Variants in OR9Q1 observed in about 807,000 individuals in gnomAD.
OR9Q1 encodes olfactory receptor 9Q1.
For synonymous variants in OR9Q1, 153 were observed against 148.6 expected (o/e 1.03, Z -0.22); for missense variants, 374 against 378.8 (o/e 0.99, Z 0.11).
At chr11:58,024,702 T>C (rs1852953535) in intron 1 of OR9Q1, among the ~76,000 whole-genome samples, 1 of 152,214 alleles carries the variant, frequency 6.6e-6, no homozygotes, top group African/African-American at 2.4e-5. Flanking sequence ...TCTTTTTTCC[T>C]GCATGGCACT....
intron 1 of OR9Q1, chr11:58,030,908 C>T (rs1157993574): frequency 9.8e-6 from 12 of 1,227,496 alleles, no homozygotes; most frequent in Non-Finnish European, 1.4e-5. Context: ...TTTGAGCTCT[C>T]ATTGTCTATG....
chr11:58,059,847 T>C (rs917202034), intron 2 of OR9Q1: 1 of 152,014 alleles, frequency 6.6e-6, no homozygotes, highest in Non-Finnish European at 1.5e-5. Flanking sequence ...CAGAATACCA[T>C]CAAACCATAT....
At position 58,031,312 on chromosome 11, in the gene OR9Q1, T is replaced by C. The variant is rs374371863; in HGVS notation, c.-93+7208T>C. ...GGGCAACTGAGTGTTTCCTACTGGC[T>C]GCCATGGCCTATGATCGTTATGTGG... On this transcript the variant is annotated intron_variant, in intron 1 of 2. Coordinates refer to ENST00000335397, the MANE Select transcript of OR9Q1 (RefSeq NM_001005212.4). 4.3e-6 allele frequency: 7 copies of C among 1,614,078 alleles called. No individual in the cohort carries two copies. In the African/African-American group the frequency reaches 9.3e-5, roughly 22 times the overall value.
chr11:58,155,254 G>A (rs1854397244), intron 2 of OR9Q1, among the ~76,000 whole-genome samples: 1 of 152,094 alleles, frequency 6.6e-6, no homozygotes, highest in Non-Finnish European at 1.5e-5. Context: ...ACGGGATGAG[G>A]CAGACCCACA....
At chr11:58,058,928 TG>T (rs1453125100) in intron 2 of OR9Q1, among the ~76,000 whole-genome samples, 1 of 152,100 alleles carries the variant, frequency 6.6e-6, no homozygotes, top group Non-Finnish European at 1.5e-5. Context: ...GTTGGAAAAC[TG>T]GGGGCGCTGA....
chr11:58,103,111 T>G (rs941176376), intron 2 of OR9Q1, among the ~76,000 whole-genome samples: 3 of 152,128 alleles, frequency 2.0e-5, no homozygotes, highest in Non-Finnish European at 4.4e-5. Flanking sequence ...GGAAAGAGGT[T>G]TAATTGACTC....
chr11:58,073,720 G>A (rs1207519768), intron 2 of OR9Q1: 1 of 152,162 alleles, frequency 6.6e-6, no homozygotes, highest in Non-Finnish European at 1.5e-5. Flanking sequence ...GTGCCATGGT[G>A]GTTTGCTGCA....
At chr11:58,166,314 G>T (rs1175697918) in intron 2 of OR9Q1, among the ~76,000 whole-genome samples, 1 of 152,236 alleles carries the variant, frequency 6.6e-6, no homozygotes, top group Middle Eastern at 3.4e-3. Flanking sequence ...TTTTACCTCT[G>T]TTTCCCAATC....
At chr11:58,103,285 TG>T (rs1853807936) in intron 2 of OR9Q1, among the ~76,000 whole-genome samples, 1 of 152,082 alleles carries the variant, frequency 6.6e-6, no homozygotes, top group East Asian at 1.9e-4. Flanking sequence ...CTCACCATCA[TG>T]AGAATAGTAT....
chr11:58,107,165 A>C (rs868806847), intron 2 of OR9Q1, among the ~76,000 whole-genome samples: 13 of 151,838 alleles, frequency 8.6e-5, no homozygotes, highest in Middle Eastern at 3.4e-3. Context: ...CAGAATGTGC[A>C]GGTTTGTTAT....
chr11:58,158,421 CTTTT>C lies in OR9Q1; in HGVS notation c.-14-20993_-14-20990del, dbSNP rs10600970. Among the ~76,000 whole-genome samples the C allele has an allele frequency of 1.2e-3, 164 of 133,704 alleles. 1 individual carries two copies. Among genetic ancestry groups the C allele is most frequent in the African/African-American group, 3.8e-3 (137 of 36,168 alleles). 87.7% of individuals were successfully genotyped at this position (133,704 alleles called of 152,430 possible). On this transcript the variant is annotated intron_variant, in intron 2 of 2. Transcript: ENST00000335397. ...ATATAAACATAGCCGCCTAGGTCTG[CTTTT>C]TTTTTTTTTTTTTTTTAACATATTT...
intron 2 of OR9Q1, among the ~76,000 whole-genome samples, chr11:58,136,165 T>G (rs1400481006): frequency 1.3e-5 from 2 of 152,140 alleles, no homozygotes; most frequent in Non-Finnish European, 2.9e-5. Flanking sequence ...GTAACTAATG[T>G]GGGGGAAAGA....
intron 2 of OR9Q1, among the ~76,000 whole-genome samples, chr11:58,088,707 T>A (rs1008797817): frequency 6.6e-6 from 1 of 151,854 alleles, no homozygotes; most frequent in African/African-American, 2.4e-5. Context: ...ATGTTCCTTG[T>A]GGATTCTGGA....
intron 2 of OR9Q1, chr11:58,109,375 C>A (rs1853876174): frequency 2.2e-6 from 1 of 458,976 alleles, no homozygotes; most frequent in Admixed American, 2.3e-5. Flanking sequence ...CACAGCACGG[C>A]AGCCATAGGA....
intron 2 of OR9Q1, among the ~76,000 whole-genome samples, chr11:58,147,958 T>C (rs1045649268): frequency 2.0e-5 from 3 of 152,176 alleles, no homozygotes; most frequent in African/African-American, 7.2e-5. Context: ...TTCTCACTTC[T>C]GAGTGTATTT....
At chr11:58,097,029 A>G (rs1196896929) in intron 2 of OR9Q1, among the ~76,000 whole-genome samples, 1 of 151,984 alleles carries the variant, frequency 6.6e-6, no homozygotes, top group South Asian at 2.1e-4. Context: ...TTTTGTAGAG[A>G]TGGGGGTCTC....
chr11:58,120,065 T>C (rs1205828357), intron 2 of OR9Q1, among the ~76,000 whole-genome samples: 1 of 152,184 alleles, frequency 6.6e-6, no homozygotes, highest in Non-Finnish European at 1.5e-5. Context: ...AGTAAAAAAA[T>C]TGCCTAGTCG....
At chr11:58,061,760 T>C (rs942286585) in intron 2 of OR9Q1, among the ~76,000 whole-genome samples, 6 of 152,190 alleles carry the variant, frequency 3.9e-5, no homozygotes, top group Admixed American at 2.0e-4. Flanking sequence ...ATGTAACACA[T>C]TTGGAGCTCC....
intron 2 of OR9Q1, among the ~76,000 whole-genome samples, chr11:58,129,567 A>G (rs949681749): frequency 1.3e-5 from 2 of 151,990 alleles, no homozygotes; most frequent in Non-Finnish European, 2.9e-5. Flanking sequence ...CTGGTCTTCT[A>G]TCTGTTTCTT....
Sources: gnomAD v4.1 joint callset for allele counts (sites outside exome capture counted in the v4.1 genomes callset) on GRCh38, gnomAD v4.1.1 for gene constraint, MANE v1.5 for transcripts, NCBI Gene and HGNC (gene_info 2026-07-23, HGNC 2026-07-21) for gene names.